ASTN2: variants seen among roughly 807,000 people sequenced by gnomAD.
ASTN2 encodes astrotactin 2.
A neutral mutation model predicts 139.8 loss-of-function variants in ASTN2; 54 were observed. That is an observed-to-expected ratio of 0.39 (90% confidence interval 0.31 to 0.48). The LOEUF is 0.48. Ranked by LOEUF, ASTN2 falls within the 20% of genes least tolerant of loss-of-function variation. The pLI, the probability that ASTN2 is intolerant of heterozygous loss-of-function variation, is 0.95. For missense variants in ASTN2, 1,565 were observed against 1,725.1 expected (o/e 0.91, Z 1.64); for synonymous variants, 756 against 719.5 (o/e 1.05, Z -0.81).
intron 3 of ASTN2, among the ~76,000 whole-genome samples, chr9:117,161,986 CAG>C (rs1451913455): frequency 1.3e-5 from 2 of 151,656 alleles, no homozygotes; most frequent in African/African-American, 4.8e-5. Context: ...GATAAAGAAA[CAG>C]AGACTCAAAG....
At chr9:116,854,022 T>C (rs1832677011) in intron 11 of ASTN2, among the ~76,000 whole-genome samples, 2 of 152,312 alleles carry the variant, frequency 1.3e-5, no homozygotes, top group South Asian at 4.1e-4. Context: ...TTTGTCCTGG[T>C]TAAGGGTTTT....
intron 12 of ASTN2, among the ~76,000 whole-genome samples, chr9:116,819,909 T>C (rs1831437603): frequency 6.6e-6 from 1 of 152,196 alleles, no homozygotes; most frequent in Non-Finnish European, 1.5e-5. Flanking sequence ...ATGTCAGCCA[T>C]CCTTCCCCAA....
rs11999422 is a variant in ASTN2, at chr9:116,424,891, C to T, written c.*960G>A. Among the ~76,000 whole-genome samples the T allele has an allele frequency of 2.0e-5, 3 of 152,060 alleles. No individual in the cohort carries two copies. Among genetic ancestry groups the T allele is most frequent in the Non-Finnish European group, 4.4e-5 (3 of 68,006 alleles). On this transcript the variant is annotated 3_prime_UTR_variant, in exon 23 of 23. Transcript: ENST00000313400. ...GGCATGAGCCACTGTGCCTGGCAAG[C>T]AAATCCCATCTTTTTCACCTCTCTG...
intron 13 of ASTN2, among the ~76,000 whole-genome samples, chr9:116,784,392 T>C (rs1400756024): frequency 6.6e-6 from 1 of 152,226 alleles, no homozygotes; most frequent in Non-Finnish European, 1.5e-5. Context: ...GCAGAGTGCC[T>C]GGTCCACAGA....
chr9:116,509,405 T>C (rs1258552534), intron 19 of ASTN2, among the ~76,000 whole-genome samples: 1 of 152,208 alleles, frequency 6.6e-6, no homozygotes, highest in Admixed American at 6.5e-5. Context: ...ATCCAGTCTA[T>C]CATTGATGGA....
chr9:116,656,471 T>C (rs1484875073), intron 16 of ASTN2, among the ~76,000 whole-genome samples: 2 of 152,144 alleles, frequency 1.3e-5, no homozygotes, highest in Admixed American at 1.3e-4. Context: ...ACAGTGTCTT[T>C]AACAGGCCAA....
At chr9:116,933,360 T>C (rs2132454942) in intron 10 of ASTN2, among the ~76,000 whole-genome samples, 1 of 152,230 alleles carries the variant, frequency 6.6e-6, no homozygotes, top group South Asian at 2.1e-4. Context: ...TTTTTTGTTT[T>C]CTTGTCTTCC....
At chr9:116,634,413 A>AC in intron 17 of ASTN2, among the ~76,000 whole-genome samples, 1 of 151,484 alleles carries the variant, frequency 6.6e-6, no homozygotes, top group Non-Finnish European at 1.5e-5. Flanking sequence ...ACACGGTGAA[A>AC]CCCCGTCTCT....
At chr9:116,637,675 A>G (rs1857138184) in intron 17 of ASTN2, among the ~76,000 whole-genome samples, 1 of 152,236 alleles carries the variant, frequency 6.6e-6, no homozygotes, top group Non-Finnish European at 1.5e-5. Context: ...ACGGTAGTAC[A>G]TGCCTGTAAT....
intron 20 of ASTN2, among the ~76,000 whole-genome samples, chr9:116,452,840 C>T (rs139845611): frequency 2.0e-5 from 3 of 152,280 alleles, no homozygotes; most frequent in African/African-American, 7.2e-5. Flanking sequence ...CTCCATGTTC[C>T]CAACTTTTGA....
intron 13 of ASTN2, among the ~76,000 whole-genome samples, chr9:116,768,311 GTCTCCATC>G (rs993665060): frequency 1.1e-4 from 15 of 133,912 alleles, no homozygotes; most frequent in Non-Finnish European, 2.4e-4. Context: ...AAAACTGCTG[GTCTCCATC>G]TTTCTCTTAC....
chr9:117,308,862 T>A (rs900622597), intron 1 of ASTN2, among the ~76,000 whole-genome samples: 1 of 152,124 alleles, frequency 6.6e-6, no homozygotes, highest in Non-Finnish European at 1.5e-5. Context: ...GGATTTTTCA[T>A]CCATGAAACT....
chr9:117,090,058 T>C lies in ASTN2; in HGVS notation c.1276+5986A>G, dbSNP rs115606337. 4.1e-3 allele frequency among the ~76,000 whole-genome samples: 617 copies of C among 152,324 alleles called. 5 individuals carry two copies. Among genetic ancestry groups the C allele is most frequent in the African/African-American group, 0.014 (597 of 41,572 alleles). ...CATACAGGTGAGGGTAACATATCAATGGTTTAAGGCAGGAGTCAGCTAAGT... is the reference window on the plus strand; with the variant it reads ...CATACAGGTGAGGGTAACATATCAACGGTTTAAGGCAGGAGTCAGCTAAGT... On this transcript the variant is annotated intron_variant, in intron 5 of 22. Coordinates refer to ENST00000313400, the MANE Select transcript of ASTN2 (RefSeq NM_001365068.1).
chr9:117,068,915 C>T, intron 5 of ASTN2, among the ~76,000 whole-genome samples: 1 of 111,658 alleles, frequency 9.0e-6, no homozygotes, highest in African/African-American at 3.3e-5. Flanking sequence ...CTTTATTAGT[C>T]TTGCTAGCGG....
At chr9:117,359,699 C>T (rs1245050329) in intron 1 of ASTN2, among the ~76,000 whole-genome samples, 6 of 150,992 alleles carry the variant, frequency 4.0e-5, no homozygotes, top group African/African-American at 1.2e-4. Context: ...GTCGTCTATA[C>T]ATTGAGGAAA....
intron 6 of ASTN2, among the ~76,000 whole-genome samples, chr9:117,018,728 A>T (rs1196933909): frequency 6.6e-6 from 1 of 152,138 alleles, no homozygotes; most frequent in Non-Finnish European, 1.5e-5. Flanking sequence ...AAAGAGGGTG[A>T]ATAGCACTTA....
intron 2 of ASTN2, among the ~76,000 whole-genome samples, chr9:117,234,936 A>G (rs1198868867): frequency 6.6e-6 from 1 of 152,150 alleles, no homozygotes; most frequent in Non-Finnish European, 1.5e-5. Flanking sequence ...GTTTTAGTGT[A>G]TTTAAAGAAG....
chr9:117,272,698 G>A (rs1367964796), intron 2 of ASTN2, among the ~76,000 whole-genome samples: 1 of 152,104 alleles, frequency 6.6e-6, no homozygotes, highest in Non-Finnish European at 1.5e-5. Flanking sequence ...CAAATCTCTA[G>A]GGCAAGGGCA....
chr9:116,795,002 G>A (rs1340442587), intron 13 of ASTN2, among the ~76,000 whole-genome samples: 1 of 152,134 alleles, frequency 6.6e-6, no homozygotes, highest in Non-Finnish European at 1.5e-5. Flanking sequence ...TTCAGATGGA[G>A]TTTCACTCTT....
Sources: allele counts gnomAD v4.1 joint callset (sites outside exome capture counted in the v4.1 genomes callset), GRCh38; gene constraint gnomAD v4.1.1; transcripts MANE v1.5; gene names NCBI Gene and HGNC (gene_info 2026-07-23, HGNC 2026-07-21).